RAB40C: variants seen among roughly 807,000 people sequenced by gnomAD.
The protein encoded by RAB40C is ras-related protein Rab-40C.
In RAB40C, 8 loss-of-function variants were observed where a neutral mutation model predicts 28.1. That is an observed-to-expected ratio of 0.28 (90% confidence interval 0.17 to 0.51). The LOEUF is 0.51. RAB40C is among the 20% of genes least tolerant of loss of function. The probability of loss-of-function intolerance (pLI) is 0.97; values close to 1 mark genes in which losing one functional copy is unlikely to be tolerated. For missense variants in RAB40C, 288 were observed against 405.9 expected (o/e 0.71, Z 2.50); for synonymous variants, 201 against 171.7 (o/e 1.17, Z -1.34).
intron 1 of RAB40C, among the ~76,000 whole-genome samples, chr16:602,012 G>A (rs1049413813): frequency 6.6e-6 from 1 of 151,938 alleles, no homozygotes; most frequent in African/African-American, 2.4e-5. Flanking sequence ...TGTAATCCCA[G>A]CTACTCAGGA....
At chr16:624,807 T>C (rs2036793470) in intron 3 of RAB40C, 1 of 985,304 alleles carries the variant, frequency 1.0e-6, no homozygotes, top group African/African-American at 1.7e-5. Flanking sequence ...AGCAGTGTGC[T>C]CCCCTGTGCT....
intron 1 of RAB40C, among the ~76,000 whole-genome samples, chr16:608,186 C>T (rs771753462): frequency 6.6e-6 from 1 of 152,252 alleles, no homozygotes; most frequent in Non-Finnish European, 1.5e-5. Context: ...GTACCTCACA[C>T]AGGGCAGCTC....
At chr16:597,918 C>G (rs1335034251) in intron 1 of RAB40C, among the ~76,000 whole-genome samples, 1 of 109,856 alleles carries the variant, frequency 9.1e-6, no homozygotes, top group Non-Finnish European at 1.7e-5. Flanking sequence ...CTGGGCAACA[C>G]AGTGAGACCC....
chr16:592,821 G>A (rs1450208048), intron 1 of RAB40C, among the ~76,000 whole-genome samples: 1 of 152,264 alleles, frequency 6.6e-6, no homozygotes, highest in East Asian at 1.9e-4. Context: ...GCACCACACA[G>A]CCAGGAGCTG....
At position 627,865 on chromosome 16, in the gene RAB40C, G is replaced by A. The variant is rs539164681; in HGVS notation, c.*243G>A. ...CGGGAATCTTGGTCGGAAACAAGCC[G>A]GGCCTCCCCAGCTGCCTGGGCTTGA... On this transcript the variant is annotated 3_prime_UTR_variant, in exon 6 of 6. Transcript: ENST00000248139. 12 of 466,774 alleles carry A rather than the reference G, an allele frequency of 2.6e-5. No individual in the cohort carries two copies. Among genetic ancestry groups the A allele is most frequent in the African/African-American group, 9.9e-5 (5 of 50,328 alleles). 28.9% of individuals were successfully genotyped at this position (466,774 alleles called of 1,614,324 possible).
intron 3 of RAB40C, among the ~76,000 whole-genome samples, chr16:622,203 A>G (rs538888341): frequency 6.6e-6 from 1 of 152,298 alleles, no homozygotes; most frequent in South Asian, 2.1e-4. Context: ...ACTTCTGGGA[A>G]TTTATCGTGT....
intron 4 of RAB40C, 186 bp from the exon 5 acceptor site, chr16:625,713 G>C (rs138290883): frequency 1.2e-6 from 1 of 822,642 alleles, no homozygotes; most frequent in Non-Finnish European, 1.9e-6. Flanking sequence ...CAGGAGCTAC[G>C]GGGCCACCCG....
In RAB40C at chr16:627,664, C is replaced by G. The variant is rs768691724; in HGVS notation, c.*42C>G. 6.5e-7 allele frequency: 1 copy of G among 1,532,658 alleles called. No homozygotes were observed. Among genetic ancestry groups the G allele is most frequent in the Non-Finnish European group, 8.8e-7 (1 of 1,138,704 alleles). The allele number at this position is 1,532,658 out of a possible 1,614,324, so 94.9% of individuals were successfully genotyped here. ...CGCCTGTGCAGATGCCAGGAGGGCT[C>G]GAGCTGGACACTCCTGGCTGGACGC... is the stretch of plus-strand genomic sequence containing the variant. On this transcript the variant is annotated 3_prime_UTR_variant, in exon 6 of 6. Transcript: ENST00000248139.
chr16:590,229 C>G lies in RAB40C; in HGVS notation c.-63C>G, dbSNP rs928900342. The stretch of plus-strand genomic sequence containing the variant: ...CAGGTGCGGGGCGCGGGCTCTCTCA[C>G]GCCGCGGCCTCACCCGGCGGTGCTT... On this transcript the variant is annotated 5_prime_UTR_variant, in exon 1 of 6. Transcript: ENST00000248139. 1 of 1,253,708 alleles carries G rather than the reference C, an allele frequency of 8.0e-7. No homozygotes were observed. The highest frequency in any genetic ancestry group is 1.0e-6 in the Non-Finnish European group (1 of 988,388). 77.7% of individuals were successfully genotyped at this position (1,253,708 alleles called of 1,614,324 possible). A position where few individuals can be genotyped will look rare whatever the true frequency, so the allele number is the denominator to read the frequency against.
chr16:590,250 T>C lies in RAB40C; in HGVS notation c.-42T>C. On this transcript the variant is annotated 5_prime_UTR_variant, in exon 1 of 6. Coordinates refer to ENST00000248139, the MANE Select transcript of RAB40C (RefSeq NM_021168.5). ...CTCACGCCGCGGCCTCACCCGGCGG[T>C]GCTTCGGCAGGCGGCCGGCGCGGGG... The C allele has an allele frequency of 7.2e-7, 1 of 1,384,578 alleles. No individual in the cohort carries two copies. Among genetic ancestry groups the C allele is most frequent in the South Asian group, 1.5e-5 (1 of 66,020 alleles). The allele number at this position is 1,384,578 out of a possible 1,614,324, so 85.8% of individuals were successfully genotyped here.
chr16:617,161 C>T (rs769864220), intron 1 of RAB40C, 47 bp from the exon 2 acceptor site: 5 of 1,601,652 alleles, frequency 3.1e-6, no homozygotes, highest in East Asian at 2.2e-5. Context: ...CGCGGGCGCT[C>T]GCTCCAGGAG....
At chr16:626,615 G>A (rs2036841603) in intron 5 of RAB40C, among the ~76,000 whole-genome samples, 1 of 152,180 alleles carries the variant, frequency 6.6e-6, no homozygotes, top group Non-Finnish European at 1.5e-5. Flanking sequence ...ACAGAGAGAG[G>A]GTGGCTGACG....
intron 1 of RAB40C, among the ~76,000 whole-genome samples, chr16:593,197 C>T (rs1025926797): frequency 6.6e-6 from 1 of 152,236 alleles, no homozygotes; most frequent in Non-Finnish European, 1.5e-5. Flanking sequence ...GGCAGCTTGC[C>T]AACCTCAGGG....
chr16:599,377 C>T (rs1030061016), intron 1 of RAB40C, among the ~76,000 whole-genome samples: 9 of 152,368 alleles, frequency 5.9e-5, no homozygotes, highest in African/African-American at 1.7e-4. Context: ...CCACCTGATT[C>T]CTGCCTGAGA....
intron 1 of RAB40C, among the ~76,000 whole-genome samples, chr16:591,695 G>A (rs1447719416): frequency 1.3e-5 from 2 of 151,514 alleles, no homozygotes; most frequent in African/African-American, 2.4e-5. Flanking sequence ...GGGTTCAAGC[G>A]ATTCCCCTGT....
intron 1 of RAB40C, among the ~76,000 whole-genome samples, chr16:611,676 CTGGCCTGTAGAA>C (rs2036489676): frequency 7.5e-6 from 1 of 134,066 alleles, no homozygotes; most frequent in African/African-American, 2.9e-5. Context: ...GACAGCCGCC[CTGGCCTGTAGAA>C]TCAAGAGCAG....
At chr16:604,379 C>T (rs1342931795) in intron 1 of RAB40C, among the ~76,000 whole-genome samples, 5 of 152,106 alleles carry the variant, frequency 3.3e-5, no homozygotes, top group African/African-American at 7.2e-5. Context: ...CTCTAGAATA[C>T]ACGTGAATCC....
chr16:596,771 A>T (rs905656776), intron 1 of RAB40C, among the ~76,000 whole-genome samples: 3 of 152,194 alleles, frequency 2.0e-5, no homozygotes, highest in Non-Finnish European at 4.4e-5. Context: ...TCCTCAGGGC[A>T]GGAGCTGGGT....
rs143348269 is a variant in RAB40C, at chr16:596,452, C to T, written c.142+6019C>T. The T allele has an allele frequency of 1.3e-3, 513 of 382,042 alleles. 2 individuals carry two copies. Among genetic ancestry groups the T allele is most frequent in the African/African-American group, 8.9e-3 (425 of 47,980 alleles). 23.7% of individuals were successfully genotyped at this position (382,042 alleles called of 1,614,324 possible). A position where few individuals can be genotyped will look rare whatever the true frequency, so the allele number is the denominator to read the frequency against. On this transcript the variant is annotated intron_variant, in intron 1 of 5. Transcript: ENST00000248139. ...GTCCTCCCCTGCGCAGCACATGGTA[C>T]GATGCCACCCCACCGAGGGCCGTTC...
Sources: gnomAD v4.1 joint callset for allele counts (sites outside exome capture counted in the v4.1 genomes callset) on GRCh38, gnomAD v4.1.1 for gene constraint, MANE v1.5 for transcripts, NCBI Gene and HGNC (gene_info 2026-07-23, HGNC 2026-07-21) for gene names.